DAB1: variants seen among roughly 807,000 people sequenced by gnomAD.
DAB1 encodes DAB adaptor protein 1.
In DAB1, 15 loss-of-function variants were observed where a neutral mutation model predicts 64.6. The ratio of observed to expected loss-of-function variants is 0.23; its 90% CI spans 0.16 to 0.36. The LOEUF is 0.36. DAB1 is among the 10% of genes least tolerant of loss of function. The pLI, the probability that DAB1 is intolerant of heterozygous loss-of-function variation, is 1.00. For missense variants in DAB1, 596 were observed against 706.7 expected, an observed-to-expected ratio of 0.84 and a Z score of 1.78; for synonymous variants, 235 against 251.9, an observed-to-expected ratio of 0.93 and a Z score of 0.64.
chr1:57,233,356 G>A (rs1218732216), intron 2 of DAB1, among the ~76,000 whole-genome samples: 13 of 131,420 alleles, frequency 9.9e-5, no homozygotes, highest in African/African-American at 1.4e-4. Context: ...TCCGCCTCCC[G>A]GGTTCACGCC....
intron 7 of DAB1, among the ~76,000 whole-genome samples, chr1:57,615,212 G>T (rs890806408): frequency 3.9e-5 from 6 of 152,152 alleles, no homozygotes; most frequent in Admixed American, 3.3e-4. Context: ...CCAGGCCTGT[G>T]CCCTCCAAGA....
At chr1:57,781,713 GAAAAAAA>G (rs3081035) in intron 6 of DAB1, among the ~76,000 whole-genome samples, 5 of 135,658 alleles carry the variant, frequency 3.7e-5, no homozygotes, top group African/African-American at 1.3e-4. Flanking sequence ...AAGCAATTGA[GAAAAAAA>G]AAAAAAAAAA....
chr1:57,382,248 G>T (rs954670292), intron 1 of DAB1, among the ~76,000 whole-genome samples: 1 of 152,144 alleles, frequency 6.6e-6, no homozygotes, highest in East Asian at 1.9e-4. Context: ...GAATCAGAGA[G>T]ATTTGAAATC....
Position 57,164,259 on chromosome 1 carries a change from C to G in DAB1, c.68-18830G>C, listed in dbSNP as rs374091174. On this transcript the variant is annotated intron_variant, in intron 2 of 14. Coordinates refer to ENST00000371236, the MANE Select transcript of DAB1 (RefSeq NM_001365792.1). ...AAACCATGGCTGCTGCTTCTTAGCA[C>G]AGATATGACCATATAAAAGCACCAC... Among the ~76,000 whole-genome samples, 50 of 152,238 alleles carry G rather than the reference C, an allele frequency of 3.3e-4. 1 individual carries two copies. The South Asian group carries it at 8.3e-3, about 25-fold the overall frequency.
At chr1:57,914,145 C>T (rs566370381) in intron 5 of DAB1, among the ~76,000 whole-genome samples, 32 of 152,144 alleles carry the variant, frequency 2.1e-4, no homozygotes, top group African/African-American at 4.6e-4. Flanking sequence ...CACATGCACA[C>T]GTATGTTTAT....
intron 6 of DAB1, among the ~76,000 whole-genome samples, chr1:57,795,715 A>ATATG (rs1553129782): frequency 4.5e-5 from 6 of 133,864 alleles, no homozygotes; most frequent in Admixed American, 3.7e-4. Context: ...ATATATATAT[A>ATATG]TATATATATA....
At chr1:58,204,865 G>A (rs572479714) in intron 4 of DAB1, among the ~76,000 whole-genome samples, 42 of 152,224 alleles carry the variant, frequency 2.8e-4, no homozygotes, top group African/African-American at 9.2e-4. Context: ...AACATAAGCC[G>A]TCACGATGTG....
chr1:58,469,480 A>G (rs901028440), intron 3 of DAB1, among the ~76,000 whole-genome samples: 6 of 152,116 alleles, frequency 3.9e-5, no homozygotes, highest in Non-Finnish European at 8.8e-5. Context: ...AGATGTAGTA[A>G]TTTTTCTCAA....
intron 5 of DAB1, among the ~76,000 whole-genome samples, chr1:58,052,191 G>A (rs1455467132): frequency 2.0e-5 from 3 of 152,216 alleles, no homozygotes; most frequent in African/African-American, 7.2e-5. Context: ...TAACATTCAA[G>A]TCTTTAATCC....
chr1:57,501,221 CT>C (rs1232004082), intron 7 of DAB1, among the ~76,000 whole-genome samples: 5 of 152,220 alleles, frequency 3.3e-5, no homozygotes, highest in Non-Finnish European at 7.3e-5. Context: ...TCTTGAAACG[CT>C]GTCCTGAGAC....
chr1:58,181,892 CTCTT>C (rs1358295724), intron 4 of DAB1, among the ~76,000 whole-genome samples: 1 of 151,894 alleles, frequency 6.6e-6, no homozygotes, highest in Non-Finnish European at 1.5e-5. Context: ...CTTACAAGTG[CTCTT>C]TATTTCTCCA....
At chr1:58,071,310 T>C (rs748818448) in intron 5 of DAB1, among the ~76,000 whole-genome samples, 4 of 150,962 alleles carry the variant, frequency 2.6e-5, no homozygotes, top group Non-Finnish European at 4.4e-5. Flanking sequence ...ATGGGGAAGA[T>C]CCAGAATCCA....
Position 57,688,990 on chromosome 1 carries a change from A to T in DAB1, n.552-39325T>A, listed in dbSNP as rs1646732299. On this transcript the variant is annotated intron_variant and non_coding_transcript_variant, in intron 6 of 20. Coordinates refer to the DAB1 transcript ENST00000485760. Reference sequence around the variant, plus strand: ...CTATGCTCACTACCTGGGTGATGGGATCCATACCCAAATCTCAGTGTCACA... The same window carrying T: ...CTATGCTCACTACCTGGGTGATGGGTTCCATACCCAAATCTCAGTGTCACA... 3.9e-5 allele frequency among the ~76,000 whole-genome samples: 6 copies of T among 152,180 alleles called. No homozygotes were observed. In the South Asian group the frequency reaches 1.2e-3, roughly 32 times the overall value.
intron 3 of DAB1, among the ~76,000 whole-genome samples, chr1:58,493,694 G>A (rs1645742114): frequency 6.6e-6 from 1 of 151,620 alleles, no homozygotes; most frequent in Non-Finnish European, 1.5e-5. Flanking sequence ...AAAATAGCTA[G>A]GAATCCAACT....
chr1:57,609,376 G>A (rs1439809009), intron 7 of DAB1, among the ~76,000 whole-genome samples: 1 of 152,162 alleles, frequency 6.6e-6, no homozygotes, highest in Non-Finnish European at 1.5e-5. Context: ...AAGTAATCTA[G>A]AGATAATTTA....
At chr1:57,754,093 G>A (rs750642043) in intron 6 of DAB1, among the ~76,000 whole-genome samples, 13 of 152,140 alleles carry the variant, frequency 8.5e-5, no homozygotes, top group Non-Finnish European at 1.6e-4. Context: ...TGAGTCCCAG[G>A]CCAGGTTCTT....
intron 5 of DAB1, among the ~76,000 whole-genome samples, chr1:57,969,348 A>G (rs921007230): frequency 1.2e-4 from 18 of 152,184 alleles, no homozygotes; most frequent in African/African-American, 3.9e-4. Context: ...TTTTATTTAT[A>G]TATATATTTT....
intron 9 of DAB1, among the ~76,000 whole-genome samples, chr1:57,038,382 A>G (rs1647289783): frequency 6.6e-6 from 1 of 152,204 alleles, no homozygotes; most frequent in African/African-American, 2.4e-5. Context: ...TCATGTTTCA[A>G]ATGGAAATCC....
In DAB1 at chr1:57,647,874, C is replaced by T. The variant is rs113773756; in HGVS notation, n.625+1718G>A. 3.2e-3 allele frequency among the ~76,000 whole-genome samples: 488 copies of T among 152,242 alleles called. 1 individual carries two copies. The highest frequency in any genetic ancestry group is 5.7e-3 in the Non-Finnish European group (390 of 68,016). On this transcript the variant is annotated intron_variant and non_coding_transcript_variant, in intron 7 of 20. Coordinates refer to the DAB1 transcript ENST00000485760. ...AGCTCAAATTAAAACATTGAAGTTC[C>T]GAGTCTAGGTAAGGCACATGTATGA... is the stretch of plus-strand genomic sequence containing the variant.
Sources: allele counts gnomAD v4.1 joint callset (sites outside exome capture counted in the v4.1 genomes callset), GRCh38; gene constraint gnomAD v4.1.1; transcripts MANE v1.5; gene names NCBI Gene and HGNC (gene_info 2026-07-23, HGNC 2026-07-21).